The following NRXN1 variants were observed in gnomAD, a reference collection of about 807,000 sequenced individuals.
NRXN1 encodes neurexin-1.
In NRXN1, 39 loss-of-function variants were observed where a neutral mutation model predicts 150.9. The ratio of observed to expected loss-of-function variants is 0.26; its 90% confidence interval spans 0.20 to 0.34. The LOEUF (loss-of-function observed/expected upper bound fraction) is 0.34, where lower values mean the gene tolerates loss of function less well. Among genes scored for constraint, NRXN1 ranks in the 10% least tolerant of loss-of-function variants. The probability of loss-of-function intolerance (pLI) is 1.00; values close to 1 mark genes in which losing one functional copy is unlikely to be tolerated. For synonymous variants in NRXN1, 924 were observed against 757.0 expected, an observed-to-expected ratio of 1.22 and a Z score of -3.62; for missense variants, 1,815 against 1,949.9, an observed-to-expected ratio of 0.93 and a Z score of 1.30.
chr2:50,540,669 T>C (rs2093368407), intron 9 of NRXN1, among the ~76,000 whole-genome samples: 1 of 152,102 alleles, frequency 6.6e-6, no homozygotes. Context: ...TGTTCTTTTT[T>C]TTTTTCTTTC....
chr2:50,288,699 T>C (rs939870366), intron 17 of NRXN1, among the ~76,000 whole-genome samples: 1 of 152,104 alleles, frequency 6.6e-6, no homozygotes, highest in South Asian at 2.1e-4. Flanking sequence ...ATGAGACTTA[T>C]TCACTATCAC....
At chr2:50,920,776 T>C (rs1008808668) in intron 5 of NRXN1, among the ~76,000 whole-genome samples, 8 of 151,838 alleles carry the variant, frequency 5.3e-5, no homozygotes, top group African/African-American at 1.7e-4. Flanking sequence ...ATTATACTAT[T>C]GAAAATAGCT....
Position 49,918,702 on chromosome 2 carries a change from T to TA in NRXN1, c.*3241dup, listed in dbSNP as rs1667717520. The TA allele has an allele frequency of 6.6e-6, 1 of 152,184 alleles. No homozygotes were observed. The highest frequency in any genetic ancestry group is 6.5e-5 in the Admixed American group (1 of 15,278). The allele number at this position is 152,184 out of a possible 1,614,324, so 9.4% of individuals were successfully genotyped here. ...ATGGCTACATCTTTAAGTGTATGAA[T>TA]ATAGAGGTCTTTAATGACTAGTTAA... On this transcript the variant is annotated 3_prime_UTR_variant, in exon 23 of 23. Coordinates refer to ENST00000401669, the MANE Select transcript of NRXN1 (RefSeq NM_001330078.2).
At chr2:50,800,961 G>A (rs763284482) in intron 5 of NRXN1, among the ~76,000 whole-genome samples, 6 of 151,922 alleles carry the variant, frequency 3.9e-5, no homozygotes, top group African/African-American at 9.7e-5. Flanking sequence ...TTTATTTTAC[G>A]TCACTTTCTA....
chr2:50,919,588 AGAAAATTGCTCCAT>A (rs1409956487), intron 5 of NRXN1: 1 of 151,690 alleles, frequency 6.6e-6, no homozygotes, highest in Non-Finnish European at 1.5e-5. Flanking sequence ...GGGGAAATTG[AGAAAATTGCTCCAT>A]GATTATATTG....
chr2:50,395,294 A>C (rs2081986289), intron 17 of NRXN1, among the ~76,000 whole-genome samples: 1 of 151,722 alleles, frequency 6.6e-6, no homozygotes, highest in African/African-American at 2.4e-5. Flanking sequence ...TGATCATAAC[A>C]CTTGTCCTAA....
At chr2:50,333,621 C>T (rs146526066) in intron 17 of NRXN1, among the ~76,000 whole-genome samples, 5 of 151,980 alleles carry the variant, frequency 3.3e-5, no homozygotes, top group East Asian at 3.9e-4. Context: ...TAGGACACTG[C>T]GAGTCCTCCC....
At chr2:50,872,275 A>G (rs1677895517) in intron 5 of NRXN1, among the ~76,000 whole-genome samples, 1 of 151,896 alleles carries the variant, frequency 6.6e-6, no homozygotes, top group African/African-American at 2.4e-5. Context: ...ACTAAAATGT[A>G]ATGTGTAATA....
chr2:50,998,209 C>A (rs1699574484), intron 2 of NRXN1, among the ~76,000 whole-genome samples: 1 of 141,244 alleles, frequency 7.1e-6, no homozygotes, highest in Non-Finnish European at 1.5e-5. Flanking sequence ...CCCAAAACTT[C>A]AATAAGTTTA....
At chr2:50,574,743 G>C (rs1257326779) in intron 8 of NRXN1, among the ~76,000 whole-genome samples, 2 of 152,190 alleles carry the variant, frequency 1.3e-5, no homozygotes, top group Non-Finnish European at 2.9e-5. Context: ...CCATACGGTA[G>C]TATTCTGGAC....
chr2:50,324,710 T>G (rs953351707), intron 17 of NRXN1, among the ~76,000 whole-genome samples: 2 of 152,166 alleles, frequency 1.3e-5, no homozygotes, highest in Non-Finnish European at 2.9e-5. Flanking sequence ...CCCGGCTAAG[T>G]GTGTAAGTCA....
chr2:50,024,638 G>A (rs564581432), intron 21 of NRXN1, among the ~76,000 whole-genome samples: 29 of 151,128 alleles, frequency 1.9e-4, no homozygotes, highest in Admixed American at 5.9e-4. Context: ...TTTTGGAGAC[G>A]AAGTCTGGCT....
At chr2:50,774,142 C>T (rs1424678812) in intron 5 of NRXN1, among the ~76,000 whole-genome samples, 1 of 152,132 alleles carries the variant, frequency 6.6e-6, no homozygotes, top group East Asian at 1.9e-4. Context: ...TTGAAAATCA[C>T]ATCACATTTG....
intron 5 of NRXN1, among the ~76,000 whole-genome samples, chr2:50,674,123 A>C (rs1434877079): frequency 6.6e-6 from 1 of 152,158 alleles, no homozygotes; most frequent in Non-Finnish European, 1.5e-5. Flanking sequence ...AACTCATTAA[A>C]ATAATGTGTA....
intron 21 of NRXN1, chr2:50,023,954 C>T (rs1687926146): frequency 1.3e-5 from 2 of 151,980 alleles, no homozygotes; most frequent in Admixed American, 6.6e-5. Flanking sequence ...TTATTTTGTA[C>T]AATTTTCATA....
In NRXN1 at chr2:50,024,162, C is replaced by G. The variant is rs1687949782; in HGVS notation, c.4128+29109G>C. On this transcript the variant is annotated intron_variant, in intron 21 of 22. Transcript: ENST00000401669. ...TGAGAACAGTGATTTGTAGTAGGTG[C>G]TGAGGCTGGCTTAATATAGGTACAT... The G allele has an allele frequency of 2.0e-5, 3 of 152,290 alleles. No individual in the cohort carries two copies. The South Asian group carries it at 6.2e-4, about 32-fold the overall frequency. 9.4% of individuals were successfully genotyped at this position (152,290 alleles called of 1,614,324 possible). A position where few individuals can be genotyped will look rare whatever the true frequency, so the allele number is the denominator to read the frequency against.
At chr2:50,499,401 C>T (rs533433698) in intron 13 of NRXN1, among the ~76,000 whole-genome samples, 98 of 152,152 alleles carry the variant, frequency 6.4e-4, no homozygotes, top group Admixed American at 1.9e-3. Context: ...CTCTCTCTAC[C>T]CTCACTACCA....
rs1455871063 is a variant in NRXN1 at position 50,474,829 on chromosome 2, GC to G, written c.3071-2359del. Among the ~76,000 whole-genome samples the G allele has an allele frequency of 2.9e-4, 7 of 24,320 alleles. 1 individual carries two copies. The highest frequency in any genetic ancestry group is 8.9e-4 in the Admixed American group (2 of 2,250). The allele number at this position is 24,320 out of a possible 152,430, so 16.0% of individuals were successfully genotyped here. ...CCATGCCACCTCTCTTTACCCGCCC[GC>G]CCCCCTACCAAAAAAAAAAAAATGA... On this transcript the variant is annotated intron_variant, in intron 15 of 22. Coordinates refer to ENST00000401669, the MANE Select transcript of NRXN1 (RefSeq NM_001330078.2).
intron 5 of NRXN1, among the ~76,000 whole-genome samples, chr2:50,730,770 T>C: frequency 6.6e-6 from 1 of 150,578 alleles, no homozygotes; most frequent in East Asian, 2.0e-4. Context: ...CCTCCCGGGT[T>C]CACGCCATTC....
Sources: allele counts gnomAD v4.1 joint callset (sites outside exome capture counted in the v4.1 genomes callset), GRCh38; gene constraint gnomAD v4.1.1; transcripts MANE v1.5; gene names NCBI Gene and HGNC (gene_info 2026-07-23, HGNC 2026-07-21).